Variants in ARB2A observed in about 807,000 individuals in gnomAD.
ARB2A encodes ARB2 cotranscriptional regulator A.
At chr5:93,776,262 A>C in the ARB2A span, 2 of 1,574,080 alleles carry the variant, frequency 1.3e-6, no homozygotes, top group Non-Finnish European at 1.7e-6. Flanking sequence ...TAATAGAGAC[A>C]ATATTGTTGA....
the ARB2A span, chr5:93,824,287 C>A: frequency 2.6e-6 from 4 of 1,513,348 alleles, no homozygotes; most frequent in South Asian, 3.9e-5. Flanking sequence ...AAACAAATGT[C>A]ATATATTACA....
chr5:93,997,723 T>G, the ARB2A span, among the ~76,000 whole-genome samples: 71 of 151,984 alleles, frequency 4.7e-4, 1 homozygote, highest in Non-Finnish European at 8.8e-4. Context: ...TGCCTCAGAT[T>G]ACTTCCTCTG....
the ARB2A span, among the ~76,000 whole-genome samples, chr5:93,686,970 C>T: frequency 6.6e-6 from 1 of 151,882 alleles, no homozygotes; most frequent in Non-Finnish European, 1.5e-5. Flanking sequence ...TTTTTGGCTA[C>T]ATAAAAACGA....
the ARB2A span, among the ~76,000 whole-genome samples, chr5:93,690,583 C>T: frequency 2.6e-5 from 4 of 152,272 alleles, no homozygotes; most frequent in African/African-American, 9.6e-5. Context: ...ACTCCCATCT[C>T]CCTGGGACAT....
At chr5:93,953,470 C>T in the ARB2A span, among the ~76,000 whole-genome samples, 4 of 149,528 alleles carry the variant, frequency 2.7e-5, no homozygotes, top group Admixed American at 2.0e-4. Context: ...TCTGGATTGC[C>T]AGGCAGAAAC....
At chr5:93,741,222 C>T in the ARB2A span, 6 of 1,613,832 alleles carry the variant, frequency 3.7e-6, no homozygotes, top group Middle Eastern at 1.6e-4. Flanking sequence ...CCTCTGGCGG[C>T]GGCAACTTCG....
chr5:94,044,614 A>G, the ARB2A span, among the ~76,000 whole-genome samples: 2 of 152,276 alleles, frequency 1.3e-5, no homozygotes, highest in African/African-American at 4.8e-5. Flanking sequence ...TCCGTCTTGA[A>G]AAGGAGCTGG....
At chr5:93,864,161 T>A in the ARB2A span, among the ~76,000 whole-genome samples, 2 of 152,280 alleles carry the variant, frequency 1.3e-5, no homozygotes, top group Admixed American at 1.3e-4. Context: ...ATATTATATT[T>A]CCTAAAAGAT....
the ARB2A span, among the ~76,000 whole-genome samples, chr5:94,054,401 G>A: frequency 5.3e-5 from 8 of 152,098 alleles, no homozygotes; most frequent in South Asian, 8.3e-4. Context: ...TGAGGACTGT[G>A]TCAGGTATTT....
chr5:94,069,780 A>G, the ARB2A span, among the ~76,000 whole-genome samples: 37 of 152,248 alleles, frequency 2.4e-4, no homozygotes, highest in Non-Finnish European at 4.9e-4. Context: ...TAAAAAGACA[A>G]AAAATAACAG....
At chr5:93,769,054 A>G in the ARB2A span, among the ~76,000 whole-genome samples, 3 of 152,220 alleles carry the variant, frequency 2.0e-5, no homozygotes, top group African/African-American at 7.2e-5. Context: ...CTTTTAAATT[A>G]TATATAAACG....
chr5:93,967,259 C>T, the ARB2A span, among the ~76,000 whole-genome samples: 1 of 152,092 alleles, frequency 6.6e-6, no homozygotes, highest in Admixed American at 6.6e-5. Flanking sequence ...ACTACGCAGG[C>T]TCTAAAATTA....
chr5:93,930,275 T>C, the ARB2A span, among the ~76,000 whole-genome samples: 8 of 152,176 alleles, frequency 5.3e-5, no homozygotes, highest in East Asian at 1.5e-3. Context: ...TCTTGGATAA[T>C]TACAGTAAGG....
At chr5:93,886,676 T>C in the ARB2A span, among the ~76,000 whole-genome samples, 1 of 151,640 alleles carries the variant, frequency 6.6e-6, no homozygotes, top group Admixed American at 6.6e-5. Flanking sequence ...TAAACATAGC[T>C]GTTGGAACTG....
the ARB2A span, among the ~76,000 whole-genome samples, chr5:93,982,158 A>G: frequency 2.0e-5 from 3 of 152,252 alleles, no homozygotes; most frequent in East Asian, 5.8e-4. Context: ...GAATGCAATG[A>G]GAGGAAGGCA....
At chr5:93,909,450 T>C in the ARB2A span, among the ~76,000 whole-genome samples, 3 of 151,008 alleles carry the variant, frequency 2.0e-5, no homozygotes, top group Non-Finnish European at 4.5e-5. Context: ...AAAAATGTTA[T>C]TGATCTCTAC....
the ARB2A span, among the ~76,000 whole-genome samples, chr5:94,064,453 C>T: frequency 6.6e-5 from 10 of 152,176 alleles, no homozygotes; most frequent in South Asian, 2.1e-4. Flanking sequence ...AAACTTTCAA[C>T]GTCTAGAAAG....
chr5:93,850,499 G>C, the ARB2A span, among the ~76,000 whole-genome samples: 1 of 152,108 alleles, frequency 6.6e-6, no homozygotes, highest in African/African-American at 2.4e-5. Flanking sequence ...TGAACAGCAG[G>C]GGGCCCGTGC....
At chr5:93,958,560 A>G in the ARB2A span, among the ~76,000 whole-genome samples, 1 of 152,090 alleles carries the variant, frequency 6.6e-6, no homozygotes, top group Non-Finnish European at 1.5e-5. Context: ...AATTCACTCA[A>G]AAGACATTAT....
Sources: gnomAD v4.1 joint callset for allele counts (sites outside exome capture counted in the v4.1 genomes callset) on GRCh38, gnomAD v4.1.1 for gene constraint, MANE v1.5 for transcripts, NCBI Gene and HGNC (gene_info 2026-07-23, HGNC 2026-07-21) for gene names.